The following MEIS2 variants were observed in gnomAD, a reference collection of about 807,000 sequenced individuals.
The protein encoded by MEIS2 is Meis homeobox 2.
A neutral mutation model predicts 58.6 loss-of-function variants in MEIS2; 9 were observed. The ratio of observed to expected loss-of-function variants is 0.15; its 90% CI spans 0.09 to 0.27. The LOEUF is 0.27. Ranked by LOEUF, MEIS2 falls within the 10% of genes least tolerant of loss-of-function variation. The pLI is 1.00. For missense variants in MEIS2, 427 were observed against 635.0 expected (o/e 0.67, Z 3.52); for synonymous variants, 221 against 228.4 (o/e 0.97, Z 0.29).
At chr15:37,043,189 C>T (rs2062505527) in intron 7 of MEIS2, among the ~76,000 whole-genome samples, 2 of 152,076 alleles carry the variant, frequency 1.3e-5, no homozygotes, top group South Asian at 4.1e-4. Context: ...TCATTTCTCC[C>T]TAGTTCTAGA....
At chr15:36,941,336 T>C (rs559987055) in intron 9 of MEIS2, among the ~76,000 whole-genome samples, 1 of 152,306 alleles carries the variant, frequency 6.6e-6, no homozygotes, top group African/African-American at 2.4e-5. Context: ...CAAGAATCCC[T>C]GTGCATCCTT....
intron 9 of MEIS2, among the ~76,000 whole-genome samples, chr15:36,937,972 T>C (rs1360208318): frequency 6.6e-6 from 1 of 152,248 alleles, no homozygotes; most frequent in African/African-American, 2.4e-5. Flanking sequence ...AAGAATTTTG[T>C]GCTTTAAATA....
chr15:36,928,657 G>A (rs1868703), intron 9 of MEIS2, among the ~76,000 whole-genome samples: 3,615 of 152,214 alleles, frequency 0.024, 166 homozygotes, highest in African/African-American at 0.083. Context: ...GTATATAAGT[G>A]GAGATTTAAA....
chr15:36,932,117 A>T (rs1374185978), intron 9 of MEIS2, among the ~76,000 whole-genome samples: 2 of 152,198 alleles, frequency 1.3e-5, no homozygotes, highest in South Asian at 2.1e-4. Context: ...TTAGGAAAAA[A>T]GTCACCATTT....
intron 7 of MEIS2, among the ~76,000 whole-genome samples, chr15:37,078,262 GT>G (rs1202295994): frequency 3.9e-5 from 6 of 151,976 alleles, no homozygotes; most frequent in African/African-American, 1.5e-4. Context: ...GAGCCATAGA[GT>G]AACACTGGCC....
At chr15:37,094,926 CT>C (rs796838447) in intron 4 of MEIS2, 2,771 of 95,990 alleles carry the variant, frequency 0.029, 51 homozygotes, top group African/African-American at 0.053. Flanking sequence ...CTCAGGACAA[CT>C]TTTTTTTTTT....
chr15:36,903,213 C>T (rs1055918238), intron 9 of MEIS2, among the ~76,000 whole-genome samples: 6 of 152,108 alleles, frequency 3.9e-5, no homozygotes, highest in Admixed American at 6.6e-5. Flanking sequence ...CAGCAGGTTA[C>T]GATTTTGAAG....
At chr15:37,088,180 G>A (rs1893114304) in intron 6 of MEIS2, among the ~76,000 whole-genome samples, 1 of 152,150 alleles carries the variant, frequency 6.6e-6, no homozygotes, top group East Asian at 1.9e-4. Context: ...AGTTAGACCA[G>A]ATAACTTCTA....
intron 8 of MEIS2, among the ~76,000 whole-genome samples, chr15:36,961,341 C>A (rs74325045): frequency 1.3e-5 from 2 of 151,846 alleles, no homozygotes; most frequent in Non-Finnish European, 2.9e-5. Context: ...CATAACCAAC[C>A]CCCCCAAAAT....
intron 9 of MEIS2, among the ~76,000 whole-genome samples, chr15:36,944,483 A>G (rs557510055): frequency 6.6e-6 from 1 of 152,118 alleles, no homozygotes; most frequent in South Asian, 2.1e-4. Context: ...TTAGCAAAAG[A>G]CTTCATGGGG....
chr15:36,928,182 T>C (rs2057824538), intron 9 of MEIS2, among the ~76,000 whole-genome samples: 1 of 151,918 alleles, frequency 6.6e-6, no homozygotes, highest in African/African-American at 2.4e-5. Flanking sequence ...AGAAAGGGAG[T>C]ATGAAATTCC....
At chr15:36,999,355 T>C (rs568546479) in intron 8 of MEIS2, among the ~76,000 whole-genome samples, 155 of 152,314 alleles carry the variant, frequency 1.0e-3, no homozygotes, top group African/African-American at 3.5e-3. Context: ...AATTTACTCA[T>C]AGTAAACCAT....
At chr15:36,902,754 A>G (rs1192094560) in intron 9 of MEIS2, among the ~76,000 whole-genome samples, 1 of 152,156 alleles carries the variant, frequency 6.6e-6, no homozygotes, top group East Asian at 1.9e-4. Flanking sequence ...CTCTTTAGGT[A>G]TCTTAGATCT....
chr15:36,903,097 T>G (rs2056559120), intron 9 of MEIS2, among the ~76,000 whole-genome samples: 1 of 152,186 alleles, frequency 6.6e-6, no homozygotes, highest in Admixed American at 6.5e-5. Flanking sequence ...TTTGAGAAAT[T>G]TCCCCTCAGA....
intron 3 of MEIS2, chr15:37,095,971 C>T (rs534595721): frequency 4.1e-4 from 184 of 448,010 alleles, no homozygotes; most frequent in African/African-American, 3.3e-3. Flanking sequence ...TCCCGGGTCC[C>T]TCACAGCCCC....
chr15:37,026,654 A>G (rs138853927), intron 8 of MEIS2, among the ~76,000 whole-genome samples: 3,939 of 152,190 alleles, frequency 0.026, 76 homozygotes, highest in Non-Finnish European at 0.037. Flanking sequence ...GCTGGAAGGA[A>G]ACTAATTAGT....
chr15:37,002,761 A>T (rs1461970525), intron 8 of MEIS2, among the ~76,000 whole-genome samples: 1 of 152,178 alleles, frequency 6.6e-6, no homozygotes, highest in Non-Finnish European at 1.5e-5. Context: ...CATTTAAACG[A>T]GACAATGAAA....
chr15:36,896,325 T>C (rs2141224225), intron 10 of MEIS2, among the ~76,000 whole-genome samples: 1 of 152,262 alleles, frequency 6.6e-6, no homozygotes. Context: ...AATGATTGGA[T>C]GCAGACAAGC....
At chr15:36,990,144 A>G (rs1422697992) in intron 8 of MEIS2, among the ~76,000 whole-genome samples, 2 of 152,152 alleles carry the variant, frequency 1.3e-5, no homozygotes, top group Admixed American at 6.5e-5. Context: ...ACAGGGTTTC[A>G]CCATGTTAGC....
Sources: gnomAD v4.1 joint callset for allele counts (sites outside exome capture counted in the v4.1 genomes callset) on GRCh38, gnomAD v4.1.1 for gene constraint, MANE v1.5 for transcripts, NCBI Gene and HGNC (gene_info 2026-07-23, HGNC 2026-07-21) for gene names.